The following NTM variants were observed in gnomAD, a reference collection of about 807,000 sequenced individuals.
The protein encoded by NTM is IgLON family member 2.
A neutral mutation model predicts 42.1 loss-of-function variants in NTM; 13 were observed. That is an observed-to-expected ratio of 0.31 (90% CI 0.20 to 0.49). The LOEUF (loss-of-function observed/expected upper bound fraction) is 0.49. NTM is among the 20% of genes least tolerant of loss of function. The pLI, the probability that NTM is intolerant of heterozygous loss-of-function variation, is 0.99. For missense variants in NTM, 373 were observed against 452.8 expected (o/e 0.82, Z 1.60); for synonymous variants, 187 against 179.2 (o/e 1.04, Z -0.35).
chr11:132,104,940 T>C (rs1477995498), intron 2 of NTM, among the ~76,000 whole-genome samples: 1 of 4,806 alleles, frequency 2.1e-4, no homozygotes, highest in Non-Finnish European at 4.9e-4. Context: ...TACATATGTA[T>C]ATATATATAT....
intron 7 of NTM, among the ~76,000 whole-genome samples, chr11:132,320,860 C>G (rs1344906532): frequency 6.6e-6 from 1 of 151,592 alleles, no homozygotes; most frequent in South Asian, 2.1e-4. Flanking sequence ...TCAAGTGGGT[C>G]CCTGACCCCT....
intron 2 of NTM, among the ~76,000 whole-genome samples, chr11:131,932,665 A>G (rs1179099929): frequency 1.3e-5 from 2 of 152,200 alleles, no homozygotes; most frequent in Admixed American, 6.5e-5. Flanking sequence ...GATGATGCTG[A>G]TGGTGGTGAT....
At position 131,649,378 on chromosome 11, in the gene NTM, T is replaced by C. The variant is rs531465809; in HGVS notation, c.83-262186T>C. Among the ~76,000 whole-genome samples the C allele has an allele frequency of 2.0e-5, 3 of 152,274 alleles. No homozygotes were observed. The South Asian group carries it at 6.2e-4, about 32-fold the overall frequency. ...GTTTATGCATATCGGGGAGGGAGTA[T>C]GGGAATAAGTATTGAACGGGATAAA... On this transcript the variant is annotated intron_variant, in intron 1 of 8. Transcript: ENST00000683400.
In NTM at chr11:131,659,489, G is replaced by T. The variant is rs565074022; in HGVS notation, c.83-252075G>T. ...TATAGGGCATGGTGGCCGGGCCATC[G>T]ACTTCAAGGTCCTCTGGCCACTGCT... On this transcript the variant is annotated intron_variant, in intron 1 of 8. Coordinates refer to ENST00000683400, the MANE Select transcript of NTM (RefSeq NM_001352005.2). 1.0e-3 allele frequency among the ~76,000 whole-genome samples: 153 copies of T among 152,246 alleles called. 2 individuals carry two copies. Among genetic ancestry groups the T allele is most frequent in the African/African-American group, 3.5e-3 (145 of 41,538 alleles).
Position 132,102,988 on chromosome 11 carries a change from G to C in NTM, c.168-43294G>C, listed in dbSNP as rs182483876. Among the ~76,000 whole-genome samples the C allele has an allele frequency of 1.2e-3, 177 of 152,324 alleles. 1 individual carries two copies. The highest frequency in any genetic ancestry group is 2.7e-3 in the South Asian group (13 of 4,818). ...AACAGAGCCAAATTGGACTGGAAAG[G>C]CCACAGGTTCCTCAGGGCCTCAGGG... On this transcript the variant is annotated intron_variant, in intron 2 of 8. Transcript: ENST00000683400.
At chr11:132,236,023 A>ACACACAC (rs1566544925) in intron 4 of NTM, among the ~76,000 whole-genome samples, 1 of 113,206 alleles carries the variant, frequency 8.8e-6, no homozygotes, top group Non-Finnish European at 2.1e-5. Flanking sequence ...CACACACACA[A>ACACACAC]CAAAATTGTA....
At chr11:132,228,309 G>A (rs1447124335) in intron 4 of NTM, among the ~76,000 whole-genome samples, 1 of 152,200 alleles carries the variant, frequency 6.6e-6, no homozygotes, top group African/African-American at 2.4e-5. Context: ...CAAGGGGGCA[G>A]AGGAAGCAGG....
At chr11:131,390,362 A>G (rs1464953025) in intron 1 of NTM, among the ~76,000 whole-genome samples, 1 of 152,164 alleles carries the variant, frequency 6.6e-6, no homozygotes, top group East Asian at 1.9e-4. Context: ...CAATACTGGA[A>G]ATCACGTTTC....
intron 1 of NTM, among the ~76,000 whole-genome samples, chr11:131,874,032 T>TATTATATATATATATAATAATATAATATA (rs2048214876): frequency 1.2e-4 from 2 of 16,872 alleles, no homozygotes; most frequent in Admixed American, 1.2e-3. Flanking sequence ...TATAATATAA[T>TATTATATATATATATAATAATATAATATA]ATATATATAT....
intron 1 of NTM, among the ~76,000 whole-genome samples, chr11:131,906,289 G>C (rs1385774969): frequency 6.6e-6 from 1 of 152,122 alleles, no homozygotes; most frequent in Admixed American, 6.5e-5. Context: ...TTACTGAGTG[G>C]TCAGCTCTTA....
chr11:131,760,033 G>A (rs1167455174), intron 1 of NTM, among the ~76,000 whole-genome samples: 1 of 152,140 alleles, frequency 6.6e-6, no homozygotes, highest in Non-Finnish European at 1.5e-5. Context: ...CTGAGAAATC[G>A]AGGGAGGGAA....
At chr11:132,049,910 G>A (rs1388476852) in intron 2 of NTM, among the ~76,000 whole-genome samples, 1 of 152,156 alleles carries the variant, frequency 6.6e-6, no homozygotes, top group South Asian at 2.1e-4. Context: ...CCTTTGCTGG[G>A]TGGGGGGCCC....
intron 6 of NTM, among the ~76,000 whole-genome samples, chr11:132,313,322 A>G (rs1427103564): frequency 2.0e-5 from 3 of 151,676 alleles, no homozygotes; most frequent in Non-Finnish European, 4.4e-5. Context: ...AATAGCATCC[A>G]TTTGCCCCAA....
chr11:132,163,232 C>T (rs1180073849), intron 3 of NTM, among the ~76,000 whole-genome samples: 2 of 152,118 alleles, frequency 1.3e-5, no homozygotes, highest in Non-Finnish European at 2.9e-5. Context: ...TCCTCTGGCT[C>T]CTCTAGGCCC....
At chr11:131,733,459 C>CT (rs2079956979) in intron 1 of NTM, among the ~76,000 whole-genome samples, 4 of 126,636 alleles carry the variant, frequency 3.2e-5, no homozygotes, top group Admixed American at 8.3e-5. Flanking sequence ...TCCTTCCTTC[C>CT]TTCTTTCCTT....
At chr11:131,780,658 G>T (rs891686683) in intron 1 of NTM, among the ~76,000 whole-genome samples, 5 of 152,088 alleles carry the variant, frequency 3.3e-5, no homozygotes, top group African/African-American at 1.2e-4. Context: ...AGATTTCCAT[G>T]GCACTTGATT....
At chr11:132,041,840 C>CTG (rs1208970668) in intron 2 of NTM, among the ~76,000 whole-genome samples, 1 of 152,180 alleles carries the variant, frequency 6.6e-6, no homozygotes, top group Non-Finnish European at 1.5e-5. Flanking sequence ...CTGACCCACA[C>CTG]TGAGGCTTAG....
At chr11:132,064,523 G>T (rs2081150762) in intron 2 of NTM, among the ~76,000 whole-genome samples, 2 of 152,190 alleles carry the variant, frequency 1.3e-5, no homozygotes, top group South Asian at 4.1e-4. Flanking sequence ...ACACATTCAA[G>T]GTGACTGTCA....
chr11:132,142,709 T>A (rs147492534), intron 2 of NTM, among the ~76,000 whole-genome samples: 186 of 152,232 alleles, frequency 1.2e-3, no homozygotes, highest in African/African-American at 4.3e-3. Context: ...TGACCTTGGA[T>A]GTGTTCAGAA....
Sources: allele counts gnomAD v4.1 joint callset (sites outside exome capture counted in the v4.1 genomes callset), GRCh38; gene constraint gnomAD v4.1.1; transcripts MANE v1.5; gene names NCBI Gene and HGNC (gene_info 2026-07-23, HGNC 2026-07-21).